The following TEAD1 variants were observed in gnomAD, a reference collection of about 807,000 sequenced individuals.
The protein encoded by TEAD1 is TEA domain transcription factor 1, also known as transcriptional enhancer factor TEF-1.
A neutral mutation model predicts 54.9 loss-of-function variants in TEAD1; 9 were observed. The ratio of observed to expected loss-of-function variants is 0.16; its 90% CI spans 0.10 to 0.29. The LOEUF (loss-of-function observed/expected upper bound fraction) is 0.29. Among genes scored for constraint, TEAD1 ranks in the 10% least tolerant of loss-of-function variants. The pLI, the probability that TEAD1 is intolerant of heterozygous loss-of-function variation, is 1.00. For missense variants in TEAD1, 387 were observed against 535.9 expected (o/e 0.72, Z 2.74); for synonymous variants, 200 against 187.8 (o/e 1.07, Z -0.53).
At chr11:12,749,674 T>C (rs1178456939) in intron 2 of TEAD1, among the ~76,000 whole-genome samples, 1 of 152,202 alleles carries the variant, frequency 6.6e-6, no homozygotes, top group Non-Finnish European at 1.5e-5. Flanking sequence ...GTACCTCTCT[T>C]GGACTGGGCG....
intron 2 of TEAD1, among the ~76,000 whole-genome samples, chr11:12,726,831 CTG>C (rs1944323223): frequency 6.6e-6 from 1 of 152,028 alleles, no homozygotes; most frequent in Non-Finnish European, 1.5e-5. Context: ...GAGTGAGACT[CTG>C]TTTCAAAAAA....
intron 2 of TEAD1, among the ~76,000 whole-genome samples, chr11:12,699,304 A>G (rs1943647796): frequency 6.6e-6 from 1 of 152,100 alleles, no homozygotes; most frequent in Non-Finnish European, 1.5e-5. Flanking sequence ...TCTTCTTTTA[A>G]AGATTTTTTT....
intron 10 of TEAD1, among the ~76,000 whole-genome samples, chr11:12,920,273 G>C (rs2134155700): frequency 6.6e-6 from 1 of 152,318 alleles, no homozygotes; most frequent in East Asian, 1.9e-4. Flanking sequence ...AACCGTAACA[G>C]TTGTGAACAT....
chr11:12,853,898 G>C (rs1947321759), intron 3 of TEAD1, among the ~76,000 whole-genome samples: 2 of 152,190 alleles, frequency 1.3e-5, no homozygotes, highest in Admixed American at 6.5e-5. Context: ...TGAGTAACCA[G>C]GAGTTAACAC....
chr11:12,760,660 T>TA (rs2133920847), intron 2 of TEAD1, among the ~76,000 whole-genome samples: 1 of 152,328 alleles, frequency 6.6e-6, no homozygotes, highest in African/African-American at 2.4e-5. Context: ...TGCTTGTTGC[T>TA]ATAGATTCAG....
At chr11:12,870,714 C>T (rs1304907717) in intron 5 of TEAD1, among the ~76,000 whole-genome samples, 1 of 152,070 alleles carries the variant, frequency 6.6e-6, no homozygotes, top group East Asian at 1.9e-4. Context: ...GGTGAAACCC[C>T]GTCTCTACTA....
chr11:12,750,811 G>A (rs1389505785), intron 2 of TEAD1, among the ~76,000 whole-genome samples: 1 of 152,146 alleles, frequency 6.6e-6, no homozygotes, highest in Non-Finnish European at 1.5e-5. Context: ...CAGCCTAAAT[G>A]CCACCTCCCT....
At chr11:12,827,027 A>C (rs964665350) in intron 3 of TEAD1, among the ~76,000 whole-genome samples, 10 of 152,200 alleles carry the variant, frequency 6.6e-5, no homozygotes, top group African/African-American at 2.2e-4. Context: ...TGTCTCCAAG[A>C]ATACCTCTGG....
chr11:12,755,073 T>C (rs1044651114), intron 2 of TEAD1, among the ~76,000 whole-genome samples: 4 of 152,166 alleles, frequency 2.6e-5, no homozygotes, highest in Non-Finnish European at 4.4e-5. Context: ...TGCCAACATA[T>C]CATTTAAGTT....
rs994837520 is a variant in TEAD1, at chr11:12,944,357, G to C, written c.*7135G>C. ...TTGTATTTGTTAACGTCTGTGTTTA[G>C]GTACTGGTACCTTTTTGTTTTAAAA... On this transcript the variant is annotated 3_prime_UTR_variant, in exon 13 of 13. Coordinates refer to ENST00000527636, the MANE Select transcript of TEAD1 (RefSeq NM_021961.6). 6.6e-6 allele frequency: 1 copy of C among 152,504 alleles called. No homozygotes were observed. Among genetic ancestry groups the C allele is most frequent in the Non-Finnish European group, 1.5e-5 (1 of 68,016 alleles). 9.4% of individuals were successfully genotyped at this position (152,504 alleles called of 1,614,324 possible).
At chr11:12,796,359 A>G (rs1319235239) in intron 3 of TEAD1, among the ~76,000 whole-genome samples, 1 of 152,216 alleles carries the variant, frequency 6.6e-6, no homozygotes, top group Admixed American at 6.5e-5. Flanking sequence ...CATATCATTT[A>G]TAGAGATGCT....
intron 12 of TEAD1, among the ~76,000 whole-genome samples, chr11:12,936,633 TATAC>T (rs1253672016): frequency 7.9e-5 from 12 of 152,342 alleles, no homozygotes; most frequent in Non-Finnish European, 1.8e-4. Context: ...CCACAAGGTA[TATAC>T]ATCTATCATC....
intron 2 of TEAD1, among the ~76,000 whole-genome samples, chr11:12,727,038 A>C (rs912072514): frequency 3.3e-5 from 5 of 151,910 alleles, no homozygotes; most frequent in African/African-American, 1.2e-4. Context: ...TCAGGAGTTC[A>C]AGACCAGCCA....
chr11:12,758,108 A>G (rs1945021545), intron 2 of TEAD1, among the ~76,000 whole-genome samples: 1 of 151,892 alleles, frequency 6.6e-6, no homozygotes, highest in Non-Finnish European at 1.5e-5. Flanking sequence ...TTGACTATTT[A>G]TATGTCAGGT....
At chr11:12,854,274 CT>C (rs2134055629) in intron 3 of TEAD1, among the ~76,000 whole-genome samples, 1 of 152,302 alleles carries the variant, frequency 6.6e-6, no homozygotes, top group Admixed American at 6.5e-5. Context: ...CTCCATCCCT[CT>C]CACTCTGTCA....
At chr11:12,915,708 G>A (rs548234848) in intron 10 of TEAD1, among the ~76,000 whole-genome samples, 1 of 152,124 alleles carries the variant, frequency 6.6e-6, no homozygotes, top group Admixed American at 6.5e-5. Flanking sequence ...AATTAGTGTG[G>A]TGGCGCACAT....
intron 3 of TEAD1, among the ~76,000 whole-genome samples, chr11:12,836,589 G>T (rs1043502583): frequency 3.3e-5 from 5 of 152,144 alleles, no homozygotes; most frequent in African/African-American, 1.2e-4. Flanking sequence ...GGTAATTTTG[G>T]AACCTGGTAA....
intron 10 of TEAD1, among the ~76,000 whole-genome samples, chr11:12,908,485 G>T (rs1948557345): frequency 6.6e-6 from 1 of 152,150 alleles, no homozygotes; most frequent in Admixed American, 6.5e-5. Context: ...CTGTCTTGGG[G>T]ACCTTTGAGT....
intron 2 of TEAD1, among the ~76,000 whole-genome samples, chr11:12,711,437 T>C (rs982739041): frequency 2.0e-5 from 3 of 152,232 alleles, no homozygotes; most frequent in Admixed American, 6.5e-5. Context: ...CCCTGGTCTT[T>C]TAGCAGTTCA....
Sources: allele counts gnomAD v4.1 joint callset (sites outside exome capture counted in the v4.1 genomes callset), GRCh38; gene constraint gnomAD v4.1.1; transcripts MANE v1.5; gene names NCBI Gene and HGNC (gene_info 2026-07-23, HGNC 2026-07-21).